The following TMEM19 variants were observed in gnomAD, a reference collection of about 807,000 sequenced individuals.
The protein encoded by TMEM19 is transmembrane protein 19.
A neutral mutation model predicts 33.6 loss-of-function variants in TMEM19; 21 were observed. The observed-to-expected ratio is 0.62, with a 90% CI of 0.44 to 0.90. TMEM19 has a LOEUF of 0.90. TMEM19 is among the 40% of genes least tolerant of loss of function. The probability of loss-of-function intolerance (pLI) is 0.00; values close to 1 mark genes in which losing one functional copy is unlikely to be tolerated. For synonymous variants in TMEM19, 149 were observed against 147.5 expected (o/e 1.01, Z -0.07); for missense variants, 402 against 401.8 (o/e 1.00, Z 0.00).
intron 2 of TMEM19, among the ~76,000 whole-genome samples, chr12:71,692,732 T>C (rs1881805225): frequency 6.6e-6 from 1 of 152,162 alleles, no homozygotes; most frequent in Non-Finnish European, 1.5e-5. Flanking sequence ...GATTATAAAC[T>C]CCTTGAGGAC....
Position 71,703,605 on chromosome 12 carries a change from G to A in TMEM19, c.*2610G>A, listed in dbSNP as rs907495373. On this transcript the variant is annotated 3_prime_UTR_variant, in exon 6 of 6. Transcript: ENST00000266673. ...TATTTGAAAACTTAGGTCTAGCTGT[G>A]TTTTGCATCAAAATTTTTGAGCTAT... 1 of 157,420 alleles carries A rather than the reference G, an allele frequency of 6.4e-6. No homozygotes were observed. Among genetic ancestry groups the A allele is most frequent in the Non-Finnish European group, 1.4e-5 (1 of 71,266 alleles). 9.8% of individuals were successfully genotyped at this position (157,420 alleles called of 1,614,324 possible).
chr12:71,704,739 T>A lies in TMEM19; in HGVS notation c.*3744T>A, dbSNP rs538694346. The A allele has an allele frequency of 3.9e-5, 6 of 152,310 alleles. No individual in the cohort carries two copies. Among genetic ancestry groups the A allele is most frequent in the African/African-American group, 1.4e-4 (6 of 41,552 alleles). The allele number at this position is 152,310 out of a possible 1,614,324, so 9.4% of individuals were successfully genotyped here. On this transcript the variant is annotated 3_prime_UTR_variant, in exon 6 of 6. Coordinates refer to ENST00000266673, the MANE Select transcript of TMEM19 (RefSeq NM_018279.4). ...CAGGAGGCTGAGGCGTGAGAATCAC[T>A]TGAACCCAGGAGGCAGAGGTTTCAG...
chr12:71,687,150 C>G (rs1449946490), intron 1 of TMEM19, among the ~76,000 whole-genome samples: 1 of 152,172 alleles, frequency 6.6e-6, no homozygotes, highest in African/African-American at 2.4e-5. Flanking sequence ...CAGGCCACCA[C>G]TTCTGGACTA....
At chr12:71,694,643 GA>G (rs1383108917) in intron 2 of TMEM19, among the ~76,000 whole-genome samples, 1 of 152,214 alleles carries the variant, frequency 6.6e-6, no homozygotes, top group African/African-American at 2.4e-5. Flanking sequence ...CTGCTTTGGT[GA>G]GTACAAAGTC....
At chr12:71,691,742 GAA>G (rs532665169) in intron 2 of TMEM19, among the ~76,000 whole-genome samples, 4 of 110,088 alleles carry the variant, frequency 3.6e-5, no homozygotes, top group Admixed American at 9.4e-5. Context: ...GTGTCAAAAA[GAA>G]AAAAAAAAAA....
intron 2 of TMEM19, among the ~76,000 whole-genome samples, chr12:71,695,155 ATAGG>A: frequency 6.6e-6 from 1 of 152,344 alleles, no homozygotes; most frequent in East Asian, 1.9e-4. Flanking sequence ...AAATGTAGAC[ATAGG>A]TAGGAGTTGC....
rs71068787 is a variant in TMEM19, at chr12:71,698,607, A to AAG, written c.638-241_638-240dup. On this transcript the variant is annotated intron_variant, in intron 4 of 5. Transcript: ENST00000266673. ...GATAGAGCAAAACCTTGTCTCTGAA[A>AAG]AGAGAGAGAGAGAGAGAGAGAGAGA... Among the ~76,000 whole-genome samples, 1,184 of 121,156 alleles carry AAG rather than the reference A, an allele frequency of 9.8e-3. 11 individuals carry two copies. The highest frequency in any genetic ancestry group is 0.058 in the East Asian group (198 of 3,424). The allele number at this position is 121,156 out of a possible 152,430, so 79.5% of individuals were successfully genotyped here.
chr12:71,693,691 T>C (rs1881823705), intron 2 of TMEM19, among the ~76,000 whole-genome samples: 1 of 152,218 alleles, frequency 6.6e-6, no homozygotes, highest in African/African-American at 2.4e-5. Context: ...AAATCTCATC[T>C]TGAATTGTAG....
intron 1 of TMEM19, among the ~76,000 whole-genome samples, chr12:71,687,512 G>A (rs1035361705): frequency 7.3e-5 from 11 of 151,656 alleles, no homozygotes; most frequent in African/African-American, 2.4e-4. Context: ...AACCAAGATT[G>A]AGCCACTGCA....
Position 71,686,520 on chromosome 12 carries a change from G to A in TMEM19, c.-161G>A, listed in dbSNP as rs565242484. Reference sequence around the variant, plus strand: ...GAGCTCTCCGCCAGTAGGAGTTTCCGGAAGGAGTTTGAATTTTTGTGATTT... The same window carrying A: ...GAGCTCTCCGCCAGTAGGAGTTTCCAGAAGGAGTTTGAATTTTTGTGATTT... On this transcript the variant is annotated 5_prime_UTR_variant, in exon 1 of 6. Transcript: ENST00000266673. 44 of 727,870 alleles carry A rather than the reference G, an allele frequency of 6.0e-5. No individual in the cohort carries two copies. The African/African-American group carries it at 7.8e-4, about 13-fold the overall frequency. The allele number at this position is 727,870 out of a possible 1,614,324, so 45.1% of individuals were successfully genotyped here. A position where few individuals can be genotyped will look rare whatever the true frequency, so the allele number is the denominator to read the frequency against.
Position 71,696,535 on chromosome 12 carries a change from G to A in TMEM19, c.344G>A (p.Gly115Glu). Residue 115 changes from glycine to glutamate, a missense_variant, in exon 3 of 6, where the codon GGA becomes GAA. Gly to Glu is a moderately conservative substitution (Grantham distance 98). Transcript: ENST00000266673. ...LSSSKLTKWK[G>E]EVKKRLDSEY... ...TCTTCGAAACTCACTAAATGGAAGG[G>A]AGAAGTGAAGAAGCGTCTAGATTCA... 6.2e-7 allele frequency: 1 copy of A among 1,611,540 alleles called. No homozygotes were observed.
chr12:71,700,775 G>T, intron 5 of TMEM19, 57 bp from the exon 6 acceptor site: 159 of 1,290,616 alleles, frequency 1.2e-4, no homozygotes, highest in Non-Finnish European at 1.4e-4. Context: ...AGAAAGAAAA[G>T]AAAAAAAATG....
Position 71,689,696 on chromosome 12 carries a change from CTCT to C in TMEM19, c.237_239del (p.Leu80del). 6.2e-7 allele frequency: 1 copy of C among 1,607,756 alleles called. No individual in the cohort carries two copies. ...AAGAAAAGTCTAGATCACAGTGGGG[CTCT>C]AGGAGGTATGTTTTTATTTTGAATG... On this transcript the variant is annotated inframe_deletion, in exon 2 of 6. Coordinates refer to ENST00000266673, the MANE Select transcript of TMEM19 (RefSeq NM_018279.4).
At position 71,700,935 on chromosome 12, in the gene TMEM19, T is replaced by C. The variant is rs1272584005; in HGVS notation, c.951T>C (p.Ser317=). 2 of 1,613,758 alleles carry C rather than the reference T, an allele frequency of 1.2e-6. No homozygotes were observed. The highest frequency in any genetic ancestry group is 1.3e-5 in the African/African-American group (1 of 75,032). ...ATAACAACGCAGTGAATCTGTTTTC[T>C]TCTGTTCTTATTGCCCTCTTGCTCC... ...ILDNNAVNLF[S]SVLIALLLPT... is the part of the protein sequence containing the mutation. The change falls in exon 6 of 6, where the codon TCT becomes TCC. Residue 317 remains serine (S), a synonymous_variant. Transcript: ENST00000266673.
intron 1 of TMEM19, 25 bp from the exon 2 acceptor site, chr12:71,689,564 TTG>T: frequency 1.9e-6 from 3 of 1,586,034 alleles, no homozygotes; most frequent in Non-Finnish European, 2.6e-6. Flanking sequence ...TTCACACAAT[TTG>T]TGCTCCACCT....
At chr12:71,695,456 A>G (rs1881855212) in intron 2 of TMEM19, among the ~76,000 whole-genome samples, 2 of 152,156 alleles carry the variant, frequency 1.3e-5, no homozygotes, top group African/African-American at 2.4e-5. Flanking sequence ...CAGTTTGTAT[A>G]CTTCCATGTG....
chr12:71,700,862 A>G lies in TMEM19; in HGVS notation c.878A>G (p.Asn293Ser), dbSNP rs574587435. 3.4e-5 allele frequency: 54 copies of G among 1,611,146 alleles called. No homozygotes were observed. The highest frequency in any genetic ancestry group is 5.5e-5 in the South Asian group (5 of 90,710). Residue 293 changes from asparagine to serine, a missense_variant, in exon 6 of 6, where the codon AAC (asparagine) becomes AGC (serine). Physicochemically the swap from Asn to Ser is conservative, Grantham distance 46. Coordinates refer to ENST00000266673, the MANE Select transcript of TMEM19 (RefSeq NM_018279.4). Reference sequence around the variant, plus strand: ...GATGAAAGCACTGGCATGGTGGTCAACAGCCCAACAAATAAGGCAAGGCAC... The same window carrying G: ...GATGAAAGCACTGGCATGGTGGTCAGCAGCCCAACAAATAAGGCAAGGCAC... ...GLDESTGMVVNSPTNKARHIA... is the reference protein window; with the variant it reads ...GLDESTGMVVSSPTNKARHIA...
At position 71,701,098 on chromosome 12, in the gene TMEM19, C is replaced by A; in HGVS notation, c.*103C>A. ...AACTGTAATGGCAAAGCGGAAATGC[C>A]AGTTCCTCCTGTATTCCATTGAGAT... On this transcript the variant is annotated 3_prime_UTR_variant, in exon 6 of 6. Coordinates refer to ENST00000266673, the MANE Select transcript of TMEM19 (RefSeq NM_018279.4). 1 of 1,202,820 alleles carries A rather than the reference C, an allele frequency of 8.3e-7. No individual in the cohort carries two copies. Among genetic ancestry groups the A allele is most frequent in the Non-Finnish European group, 1.1e-6 (1 of 882,838 alleles). 74.5% of individuals were successfully genotyped at this position (1,202,820 alleles called of 1,614,324 possible). A position where few individuals can be genotyped will look rare whatever the true frequency, so the allele number is the denominator to read the frequency against.
In TMEM19 at chr12:71,703,425, C is replaced by T. The variant is rs1438213469; in HGVS notation, c.*2430C>T. On this transcript the variant is annotated 3_prime_UTR_variant, in exon 6 of 6. Transcript: ENST00000266673. Reference sequence around the variant, plus strand: ...TTATAAAATCATGTGTCAGTTTTCACACAGCCTGCACATCGTTCTGACATG... The same window carrying T: ...TTATAAAATCATGTGTCAGTTTTCATACAGCCTGCACATCGTTCTGACATG... The T allele has an allele frequency of 6.6e-6, 1 of 152,060 alleles. No individual in the cohort carries two copies. Among genetic ancestry groups the T allele is most frequent in the Non-Finnish European group, 1.5e-5 (1 of 68,040 alleles). The allele number at this position is 152,060 out of a possible 1,614,324, so 9.4% of individuals were successfully genotyped here. A position where few individuals can be genotyped will look rare whatever the true frequency, so the allele number is the denominator to read the frequency against.
Sources: gnomAD v4.1 joint callset for allele counts (sites outside exome capture counted in the v4.1 genomes callset) on GRCh38, gnomAD v4.1.1 for gene constraint, MANE v1.5 for transcripts, NCBI Gene and HGNC (gene_info 2026-07-23, HGNC 2026-07-21) for gene names.